The following CASZ1 variants were observed in gnomAD, a reference collection of about 807,000 sequenced individuals.
The protein encoded by CASZ1 is castor zinc finger 1.
A neutral mutation model predicts 135.2 loss-of-function variants in CASZ1; 28 were observed. The ratio of observed to expected loss-of-function variants is 0.21; its 90% CI spans 0.15 to 0.28. The LOEUF (loss-of-function observed/expected upper bound fraction) is 0.28. Ranked by LOEUF, CASZ1 falls within the 10% of genes least tolerant of loss-of-function variation. The pLI is 1.00. For missense variants in CASZ1, 2,161 were observed against 2,453.3 expected, an observed-to-expected ratio of 0.88 and a Z score of 2.52; for synonymous variants, 1,068 against 1,073.4, an observed-to-expected ratio of 0.99 and a Z score of 0.10.
At position 10,647,967 on chromosome 1, in the gene CASZ1, G is replaced by A; in HGVS notation, c.3331C>T (p.Pro1111Ser). Residue 1111 changes from proline to serine, a missense_variant, in exon 16 of 21, where the codon CCC (proline) becomes TCC (serine). Coordinates refer to ENST00000377022, the MANE Select transcript of CASZ1 (RefSeq NM_001079843.3). The surrounding 1 kb of genome is among the most constrained non-coding windows in gnomAD (Gnocchi z 4.9). ...CAGGCGAGCAGGGTGGGGGTGGAGG[G>A]CACGGAGGCCGGGCTGGGAGCGGGC... ...EGPAPSPASV[P>S]STPTLLAWKQ... is the part of the protein sequence containing the mutation. 5 of 1,609,774 alleles carry A rather than the reference G, an allele frequency of 3.1e-6. No homozygotes were observed. The highest frequency in any genetic ancestry group is 4.2e-6 in the Non-Finnish European group (5 of 1,177,530).
Position 10,659,812 on chromosome 1 carries a change from G to C in CASZ1, c.1230C>G (p.Pro410=), listed in dbSNP as rs1473164109. 1.2e-6 allele frequency: 2 copies of C among 1,613,258 alleles called. No individual in the cohort carries two copies. Among genetic ancestry groups the C allele is most frequent in the East Asian group, 2.2e-5 (1 of 44,856 alleles). ...LASVPSAPSA[P]GPGPEPPASL... is the part of the protein sequence containing the mutation. ...AGGCAGGAGGCTCTGGCCCTGGCCCGGGGGCGCTGGGGGCACTGGGCACGC... is the reference window on the plus strand; with the variant it reads ...AGGCAGGAGGCTCTGGCCCTGGCCCCGGGGCGCTGGGGGCACTGGGCACGC... The change falls in exon 6 of 21, where the codon CCC becomes CCG. Residue 410 remains proline, a synonymous_variant. Coordinates refer to ENST00000377022, the MANE Select transcript of CASZ1 (RefSeq NM_001079843.3).
At chr1:10,718,316 G>GCC (rs956341679) in intron 2 of CASZ1, among the ~76,000 whole-genome samples, 3 of 152,236 alleles carry the variant, frequency 2.0e-5, no homozygotes, top group Non-Finnish European at 2.9e-5. Context: ...GGCAGCCCAG[G>GCC]CCCTGCGCCC....
At chr1:10,745,124 C>G (rs1640015325) in intron 2 of CASZ1, among the ~76,000 whole-genome samples, 1 of 152,186 alleles carries the variant, frequency 6.6e-6, no homozygotes, top group Non-Finnish European at 1.5e-5. Context: ...CTAAGTGGGA[C>G]TGGGAGGACC....
intron 3 of CASZ1, among the ~76,000 whole-genome samples, chr1:10,705,075 C>T (rs1201149735): frequency 6.6e-6 from 1 of 152,238 alleles, no homozygotes; most frequent in Non-Finnish European, 1.5e-5. Context: ...GCCTTCGAGT[C>T]CATGCGGTTC....
At chr1:10,722,456 G>A (rs988125180) in intron 2 of CASZ1, among the ~76,000 whole-genome samples, 1 of 152,228 alleles carries the variant, frequency 6.6e-6, no homozygotes, top group Non-Finnish European at 1.5e-5. Flanking sequence ...CACGGACTTA[G>A]GGACCGAGTA....
chr1:10,673,490 TG>T (rs1442370188), intron 4 of CASZ1, among the ~76,000 whole-genome samples: 4 of 151,950 alleles, frequency 2.6e-5, no homozygotes, highest in Non-Finnish European at 4.4e-5. Context: ...CGCACTCTTG[TG>T]CTCACGCTGC....
intron 2 of CASZ1, among the ~76,000 whole-genome samples, chr1:10,731,104 T>TAAA (rs35951654): frequency 5.2e-4 from 77 of 149,514 alleles, no homozygotes; most frequent in African/African-American, 1.4e-3. Flanking sequence ...AGACTCCGTC[T>TAAA]AAAAAAAAAA....
intron 2 of CASZ1, among the ~76,000 whole-genome samples, chr1:10,734,248 A>T (rs1639753193): frequency 7.1e-6 from 1 of 141,430 alleles, no homozygotes; most frequent in Non-Finnish European, 1.5e-5. Context: ...CAGCACCGAA[A>T]CTCCAAGTCA....
At chr1:10,714,462 A>G (rs1221454577) in intron 2 of CASZ1, among the ~76,000 whole-genome samples, 3 of 152,176 alleles carry the variant, frequency 2.0e-5, no homozygotes, top group African/African-American at 7.2e-5. Context: ...ACCTTCCACT[A>G]CGCCAGAGCC....
intron 2 of CASZ1, among the ~76,000 whole-genome samples, chr1:10,749,251 C>T (rs1776223): frequency 6.6e-6 from 1 of 151,724 alleles, no homozygotes; most frequent in African/African-American, 2.4e-5. Flanking sequence ...TCTTTCCCCC[C>T]TATTTTTTTT....
At chr1:10,742,650 T>C (rs376026403) in intron 2 of CASZ1, among the ~76,000 whole-genome samples, 7 of 152,184 alleles carry the variant, frequency 4.6e-5, no homozygotes, top group East Asian at 1.9e-4. Context: ...TCTGAGCGCA[T>C]TGAAAGGAAG....
intron 2 of CASZ1, among the ~76,000 whole-genome samples, chr1:10,752,486 A>C (rs1248380541): frequency 1.3e-5 from 2 of 152,118 alleles, no homozygotes; most frequent in Non-Finnish European, 2.9e-5. Flanking sequence ...CTGGGCCCAA[A>C]TACAGGTTGG....
chr1:10,715,558 C>T (rs1303369540), intron 2 of CASZ1, among the ~76,000 whole-genome samples: 2 of 148,248 alleles, frequency 1.3e-5, no homozygotes, highest in African/African-American at 5.0e-5. Context: ...AATCCACACC[C>T]CACAGCATCC....
At position 10,654,296 on chromosome 1, in the gene CASZ1, G is replaced by A. The variant is rs1053734981; in HGVS notation, c.1839-78C>T. ...CTACACCATGGCCCTGGGAGGGACA[G>A]TCCCCCGGGTGGAAAACCCAGGCTG... On this transcript the variant is annotated intron_variant, in intron 10 of 20. Transcript: ENST00000377022. The A allele has an allele frequency of 5.3e-5, 84 of 1,580,406 alleles. No homozygotes were observed. The African/African-American group carries it at 1.0e-3, about 19-fold the overall frequency.
At position 10,709,160 on chromosome 1, in the gene CASZ1, C is replaced by T. The variant is rs1043699214; in HGVS notation, c.-76-3616G>A. On this transcript the variant is annotated intron_variant, in intron 2 of 20. Transcript: ENST00000377022. The surrounding 1 kb of genome is among the most constrained non-coding windows in gnomAD (Gnocchi z 5.1). Reference sequence around the variant, plus strand: ...TTGGAGCCTCTCACCCACAGCTGCCCAGCTCCATATTTATGAAGCACCAGG... The same window carrying T: ...TTGGAGCCTCTCACCCACAGCTGCCTAGCTCCATATTTATGAAGCACCAGG... Among the ~76,000 whole-genome samples, 10 of 152,162 alleles carry T rather than the reference C, an allele frequency of 6.6e-5. No homozygotes were observed. Among genetic ancestry groups the T allele is most frequent in the African/African-American group, 2.4e-4 (10 of 41,430 alleles).
In CASZ1 at chr1:10,654,543, C is replaced by T. The variant is rs1267441432; in HGVS notation, c.1714G>A (p.Glu572Lys). ...TGGGTATTCTTCTTGTGGAAGTTCT[C>T]GTGGGTCATCACGTCAGACGTGCTC... Reference protein sequence around the residue: ...YTSTSDVMTHENFHKKNTQLI... With the variant: ...YTSTSDVMTHKNFHKKNTQLI... Residue 572 changes from glutamate to lysine, a missense_variant, in exon 10 of 21, where the codon GAG becomes AAG. Physicochemically the swap from Glu to Lys is moderately conservative, Grantham distance 56. Coordinates refer to ENST00000377022, the MANE Select transcript of CASZ1 (RefSeq NM_001079843.3). 1.9e-6 allele frequency: 3 copies of T among 1,614,248 alleles called. No homozygotes were observed. Among genetic ancestry groups the T allele is most frequent in the South Asian group, 1.1e-5 (1 of 91,084 alleles).
intron 2 of CASZ1, among the ~76,000 whole-genome samples, chr1:10,715,931 TTC>T (rs1639379016): frequency 1.6e-5 from 1 of 63,454 alleles, no homozygotes; most frequent in Non-Finnish European, 3.1e-5. Context: ...CCCAATCCGC[TTC>T]CCACAGCACC....
intron 2 of CASZ1, among the ~76,000 whole-genome samples, chr1:10,750,376 A>G (rs11799943): frequency 0.32 from 49,135 of 151,990 alleles, 8,707 homozygotes; most frequent in African/African-American, 0.48. Context: ...CCTGGGCTCC[A>G]GTGATTCTCC....
intron 6 of CASZ1, among the ~76,000 whole-genome samples, chr1:10,659,497 A>G (rs911597019): frequency 1.3e-5 from 2 of 152,122 alleles, no homozygotes; most frequent in African/African-American, 4.8e-5. Flanking sequence ...TAGGTGCAAG[A>G]GTGAATGTGA....
Sources: gnomAD v4.1 joint callset for allele counts (sites outside exome capture counted in the v4.1 genomes callset) on GRCh38, gnomAD v4.1.1 for gene constraint, Gnocchi (gnomAD v3.1) non-coding constraint, MANE v1.5 for transcripts, NCBI Gene and HGNC (gene_info 2026-07-23, HGNC 2026-07-21) for gene names.